LMOD3: variants seen among roughly 807,000 people sequenced by gnomAD.
The protein encoded by LMOD3 is leiomodin 3.
Under a neutral mutation model 41.8 loss-of-function variants are expected in LMOD3, and 31 were observed. The ratio of observed to expected loss-of-function variants is 0.74; its 90% CI spans 0.56 to 1.00. LMOD3 has a LOEUF of 1.00. Among genes scored for constraint, LMOD3 ranks in the 50% least tolerant of loss-of-function variants. The pLI, the probability that LMOD3 is intolerant of heterozygous loss-of-function variation, is 0.00. For synonymous variants in LMOD3, 292 were observed against 241.9 expected (o/e 1.21, Z -1.92); for missense variants, 755 against 679.5 (o/e 1.11, Z -1.23).
At position 69,122,494 on chromosome 3, in the gene LMOD3, G is replaced by T; in HGVS notation, c.-108C>A. 1.3e-6 allele frequency: 1 copy of T among 797,024 alleles called. No homozygotes were observed. The highest frequency in any genetic ancestry group is 1.9e-6 in the Non-Finnish European group (1 of 517,566). 49.4% of individuals were successfully genotyped at this position (797,024 alleles called of 1,614,324 possible). A position where few individuals can be genotyped will look rare whatever the true frequency, so the allele number is the denominator to read the frequency against. Reference sequence around the variant, plus strand: ...GTCCCCCAGTTAACGAGTGTCCCAAGTTAACACACCCTTGAGATATTTTTT... The same window carrying T: ...GTCCCCCAGTTAACGAGTGTCCCAATTTAACACACCCTTGAGATATTTTTT... On this transcript the variant is annotated 5_prime_UTR_variant, in exon 1 of 3. Transcript: ENST00000420581.
At position 69,119,272 on chromosome 3, in the gene LMOD3, G is replaced by A. The variant is rs1165484817; in HGVS notation, c.1083C>T (p.Ala361=). ...MLGHHAEMEI[A]RLLKANNTLL... ...GAGTGTTGTTTGCCTTCAAAAGCCT[G>A]GCTATTTCCATTTCAGCATGGTGAC... is the stretch of plus-strand genomic sequence containing the variant. Residue 361 remains alanine, a synonymous_variant, in exon 2 of 3, where the codon GCC becomes GCT. Coordinates refer to ENST00000420581, the MANE Select transcript of LMOD3 (RefSeq NM_198271.5). 1.2e-6 allele frequency: 2 copies of A among 1,613,920 alleles called. No homozygotes were observed. The highest frequency in any genetic ancestry group is 8.5e-7 in the Non-Finnish European group (1 of 1,179,886).
intron 2 of LMOD3, among the ~76,000 whole-genome samples, chr3:69,109,882 A>T (rs947753907): frequency 1.3e-5 from 2 of 152,124 alleles, no homozygotes; most frequent in African/African-American, 4.8e-5. Context: ...TAGGGAGAGA[A>T]ATGGCTCAGA....
intron 2 of LMOD3, among the ~76,000 whole-genome samples, chr3:69,110,740 A>T (rs1252499621): frequency 6.9e-6 from 1 of 145,738 alleles, no homozygotes; most frequent in Non-Finnish European, 1.5e-5. Flanking sequence ...CTACTCAGGG[A>T]GCTGAGGCAG....
intron 1 of LMOD3, among the ~76,000 whole-genome samples, chr3:69,120,613 TA>T (rs748214398): frequency 3.8e-4 from 57 of 149,796 alleles, no homozygotes; most frequent in Non-Finnish European, 6.8e-4. Context: ...TATATATATT[TA>T]AAAACCTCAA....
At position 69,119,809 on chromosome 3, in the gene LMOD3, T is replaced by C. The variant is rs1341592795; in HGVS notation, c.546A>G (p.Arg182=). 1.3e-6 allele frequency: 2 copies of C among 1,596,488 alleles called. No individual in the cohort carries two copies. Among genetic ancestry groups the C allele is most frequent in the Non-Finnish European group, 1.7e-6 (2 of 1,170,088 alleles). ...CCTGCTGGCAGTTGTTCTCACAATT[T>C]CTAATTTGTTCCTTTGCTTTGCCTT... ...EEEGKAKEQI[R]NCENNCQQVT... is the part of the protein sequence containing the mutation. The change falls in exon 2 of 3, where the codon AGA becomes AGG. Residue 182 remains arginine, a synonymous_variant. Coordinates refer to ENST00000420581, the MANE Select transcript of LMOD3 (RefSeq NM_198271.5).
At chr3:69,109,342 A>G (rs924070331) in intron 2 of LMOD3, among the ~76,000 whole-genome samples, 2 of 149,582 alleles carry the variant, frequency 1.3e-5, no homozygotes, top group African/African-American at 5.0e-5. Flanking sequence ...CTTTGAGCAC[A>G]TGGCAAAGTA....
At chr3:69,114,888 C>G (rs886601695) in intron 2 of LMOD3, among the ~76,000 whole-genome samples, 1 of 152,094 alleles carries the variant, frequency 6.6e-6, no homozygotes, top group African/African-American at 2.4e-5. Context: ...ATTTTTCACA[C>G]AGGGTCTCAC....
At chr3:69,113,291 T>C (rs1462783753) in intron 2 of LMOD3, among the ~76,000 whole-genome samples, 4 of 152,068 alleles carry the variant, frequency 2.6e-5, no homozygotes, top group African/African-American at 9.7e-5. Flanking sequence ...AAGAAAACCC[T>C]GAGTGATCTA....
intron 2 of LMOD3, among the ~76,000 whole-genome samples, chr3:69,110,853 A>AAAAAAAAAAAAAAAAAAAAATATATATAT (rs1458630453): frequency 3.8e-5 from 4 of 104,120 alleles, no homozygotes; most frequent in African/African-American, 1.9e-4. Context: ...AAAAAAAAAA[A>AAAAAAAAAAAAAAAAAAAAATATATATAT]ATATATATAT....
At position 69,118,872 on chromosome 3, in the gene LMOD3, G is replaced by C; in HGVS notation, c.1483C>G (p.Arg495Gly). 6.2e-7 allele frequency: 1 copy of C among 1,610,906 alleles called. No homozygotes were observed. The highest frequency in any genetic ancestry group is 8.5e-7 in the Non-Finnish European group (1 of 1,179,296). The stretch of plus-strand genomic sequence containing the variant: ...CTGGCTTCCGGCATCCGAGATTTGC[G>C]CTGGATTCTCTTCAGCTTCACCACC... ...FRVVKLKRIQ[R>G]KSRMPEAREP... Residue 495 changes from arginine to glycine, a missense_variant, in exon 2 of 3, where the codon CGC (arginine) becomes GGC (glycine). By Grantham distance (125) the Arg-to-Gly change is moderately radical. Transcript: ENST00000420581.
chr3:69,120,592 A>G (rs2092402966), intron 1 of LMOD3, among the ~76,000 whole-genome samples: 3 of 151,118 alleles, frequency 2.0e-5, no homozygotes, highest in Non-Finnish European at 4.4e-5. Flanking sequence ...TACGTTTGAC[A>G]TTTTGGAATA....
rs2092410475 is a variant in LMOD3, at chr3:69,122,120, T to C, written c.267A>G (p.Arg89=). The part of the protein sequence containing the change: ...KASRRMLEEE[R]VPVTFVKSEE... ...CGGATTTCACAAAGGTGACAGGAAC[T>C]CGTTCCTCTTCCAGCATGCGCCTGG... is the stretch of plus-strand genomic sequence containing the variant. Residue 89 remains arginine, a synonymous_variant, in exon 1 of 3, where the codon CGA becomes CGG. Coordinates refer to ENST00000420581, the MANE Select transcript of LMOD3 (RefSeq NM_198271.5). 6.2e-7 allele frequency: 1 copy of C among 1,612,242 alleles called. No homozygotes were observed. Among genetic ancestry groups the C allele is most frequent in the Admixed American group, 1.7e-5 (1 of 59,866 alleles).
At chr3:69,116,056 T>C (rs1453042874) in intron 2 of LMOD3, among the ~76,000 whole-genome samples, 1 of 152,224 alleles carries the variant, frequency 6.6e-6, no homozygotes, top group Non-Finnish European at 1.5e-5. Flanking sequence ...TGTACTACTT[T>C]TGACCTTCTG....
In LMOD3 at chr3:69,119,467, C is replaced by T; in HGVS notation, c.888G>A (p.Glu296=). The change falls in exon 2 of 3, where the codon GAG becomes GAA. Residue 296 remains glutamate, a synonymous_variant. Transcript: ENST00000420581. ...TGTTAGCCAAGGCAAATGCTACATT[C>T]TCATCTGCACCCACATTGGCTAAAC... ...TFSLANVGAD[E]NVAFALANML... 6.2e-7 allele frequency: 1 copy of T among 1,613,972 alleles called. No homozygotes were observed. The highest frequency in any genetic ancestry group is 1.1e-5 in the South Asian group (1 of 91,082).
chr3:69,112,536 G>A lies in LMOD3; in HGVS notation c.1657-3415C>T, dbSNP rs6795461. Among the ~76,000 whole-genome samples the A allele has an allele frequency of 3.5e-3, 526 of 152,262 alleles. 2 individuals carry two copies. The highest frequency in any genetic ancestry group is 0.012 in the African/African-American group (502 of 41,558). On this transcript the variant is annotated intron_variant, in intron 2 of 2. Coordinates refer to ENST00000420581, the MANE Select transcript of LMOD3 (RefSeq NM_198271.5). ...AATACACAGGCAGAGTACCCCTAAC[G>A]TTTTTTTGTAAGAAGTAGCATTTGA...
rs770752054 is a variant in LMOD3, at chr3:69,122,310, T to C, written c.77A>G (p.Asn26Ser). 13 of 1,613,346 alleles carry C rather than the reference T, an allele frequency of 8.1e-6. No individual in the cohort carries two copies. In the South Asian group the frequency reaches 1.3e-4, roughly 16 times the overall value. ...EEINEDEILANLSAEELKELQ... is the reference protein window; with the variant it reads ...EEINEDEILASLSAEELKELQ... ...TTCTTTCAGTTCTTCAGCAGACAAG[T>C]TGGCCAAGATTTCATCTTCATTAAT... The change falls in exon 1 of 3, where the codon AAC becomes AGC. Residue 26 changes from asparagine to serine, a missense_variant. Physicochemically the swap from Asn to Ser is conservative, Grantham distance 46 (BLOSUM62 1). Transcript: ENST00000420581.
At position 69,119,608 on chromosome 3, in the gene LMOD3, C is replaced by G. The variant is rs2092396739; in HGVS notation, c.747G>C (p.Arg249Ser). 1.2e-6 allele frequency: 2 copies of G among 1,613,728 alleles called. No individual in the cohort carries two copies. The highest frequency in any genetic ancestry group is 1.7e-6 in the Non-Finnish European group (2 of 1,179,882). Residue 249 changes from arginine to serine, a missense_variant, in exon 2 of 3, where the codon AGG becomes AGC. Coordinates refer to ENST00000420581, the MANE Select transcript of LMOD3 (RefSeq NM_198271.5). ...TDLDGSLRRVRKNDPDMKELN... is the reference protein window; with the variant it reads ...TDLDGSLRRVSKNDPDMKELN... ...GTTCCTTCATGTCAGGATCATTTTTCCTAACTCTCCTCAAGCTCCCATCCA... is the reference window on the plus strand; with the variant it reads ...GTTCCTTCATGTCAGGATCATTTTTGCTAACTCTCCTCAAGCTCCCATCCA...
At position 69,110,542 on chromosome 3, in the gene LMOD3, TAA is replaced by T. The variant is rs767240513; in HGVS notation, c.1657-1423_1657-1422del. On this transcript the variant is annotated intron_variant, in intron 2 of 2. Transcript: ENST00000420581. The stretch of plus-strand genomic sequence containing the variant: ...ACCGCACCCAGCCACCTGATTTTCT[TAA>T]AAGAGTTTTATAACAAGGCTGGGCG... Among the ~76,000 whole-genome samples, 9 of 150,596 alleles carry T rather than the reference TAA, an allele frequency of 6.0e-5. No homozygotes were observed. In the East Asian group the frequency reaches 1.9e-3, roughly 31 times the overall value.
chr3:69,107,244 C>G lies in LMOD3; in HGVS notation c.*1851G>C, dbSNP rs1416116949. 2 of 151,930 alleles carry G rather than the reference C, an allele frequency of 1.3e-5. No homozygotes were observed. Among genetic ancestry groups the G allele is most frequent in the African/African-American group, 4.8e-5 (2 of 41,464 alleles). 9.4% of individuals were successfully genotyped at this position (151,930 alleles called of 1,614,324 possible). ...TTAAATTTGGATACTTTTGTACATA[C>G]TAAATTATCTTAAAAAAATAGAAAC... On this transcript the variant is annotated 3_prime_UTR_variant, in exon 3 of 3. Transcript: ENST00000420581.
Sources: gnomAD v4.1 joint callset for allele counts (sites outside exome capture counted in the v4.1 genomes callset) on GRCh38, gnomAD v4.1.1 for gene constraint, MANE v1.5 for transcripts, NCBI Gene and HGNC (gene_info 2026-07-23, HGNC 2026-07-21) for gene names.